The following TFDP1 variants were observed in gnomAD, a reference collection of about 807,000 sequenced individuals.
TFDP1 encodes the protein transcription factor Dp-1, also known as DRTF1-polypeptide 1.
TFDP1 carries 6 observed loss-of-function variants against 48.0 expected under a neutral mutation model. That is an observed-to-expected ratio of 0.13 (90% confidence interval 0.07 to 0.25). The LOEUF is 0.25. Ranked by LOEUF, TFDP1 falls within the 10% of genes least tolerant of loss-of-function variation. The probability of loss-of-function intolerance (pLI) is 1.00; values close to 1 mark genes in which losing one functional copy is unlikely to be tolerated. For synonymous variants in TFDP1, 201 were observed against 211.6 expected (o/e 0.95, Z 0.44); for missense variants, 335 against 543.0 (o/e 0.62, Z 3.81).
intron 2 of TFDP1, among the ~76,000 whole-genome samples, chr13:113,591,009 CAAAAAAA>C (rs71101595): frequency 5.0e-5 from 3 of 59,858 alleles, no homozygotes; most frequent in East Asian, 5.4e-4. Flanking sequence ...GACTCTGTCT[CAAAAAAA>C]AAAAAAAAAA....
intron 4 of TFDP1, among the ~76,000 whole-genome samples, chr13:113,631,406 C>T (rs1477786663): frequency 6.6e-6 from 1 of 152,164 alleles, no homozygotes; most frequent in Non-Finnish European, 1.5e-5. Flanking sequence ...ATGCCTGTGA[C>T]TGACAAGAGG....
intron 3 of TFDP1, among the ~76,000 whole-genome samples, chr13:113,618,143 C>T (rs1022852043): frequency 6.6e-6 from 1 of 152,196 alleles, no homozygotes; most frequent in Non-Finnish European, 1.5e-5. Flanking sequence ...AATGTTAGCC[C>T]TCCTCCCTCC....
rs377250541 is a variant in TFDP1 at position 113,610,538 on chromosome 13, C to G, written c.13-458C>G. Among the ~76,000 whole-genome samples, 5 of 151,396 alleles carry G rather than the reference C, an allele frequency of 3.3e-5. No individual in the cohort carries two copies. In the East Asian group the frequency reaches 7.9e-4, roughly 24 times the overall value. ...TGTGGTTGTGCCATCATACGTGCCCCTGCTTTGTGGCTGTGCCATCACACA... is the reference window on the plus strand; with the variant it reads ...TGTGGTTGTGCCATCATACGTGCCCGTGCTTTGTGGCTGTGCCATCACACA... On this transcript the variant is annotated intron_variant, in intron 2 of 11. Coordinates refer to ENST00000375370, the MANE Select transcript of TFDP1 (RefSeq NM_007111.5).
At chr13:113,597,067 C>A (rs1385650195) in intron 2 of TFDP1, among the ~76,000 whole-genome samples, 3 of 152,140 alleles carry the variant, frequency 2.0e-5, no homozygotes, top group African/African-American at 7.2e-5. Context: ...TCTGGATACC[C>A]CCTGTCTGGC....
Position 113,637,905 on chromosome 13 carries a change from C to T in TFDP1, c.1085+9C>T, listed in dbSNP as rs781379067. 39 of 1,612,204 alleles carry T rather than the reference C, an allele frequency of 2.4e-5. No homozygotes were observed. The highest frequency in any genetic ancestry group is 6.7e-5 in the Admixed American group (4 of 59,946). ...ACAAGGTTCTCTGCCAGGTGACAGT[C>T]GTTGAGGGTGTGGGAGAGGCGTCAT... On this transcript the variant is annotated intron_variant, in intron 11 of 11. Transcript: ENST00000375370.
intron 3 of TFDP1, among the ~76,000 whole-genome samples, chr13:113,613,236 G>A (rs544213775): frequency 1.3e-5 from 2 of 152,272 alleles, no homozygotes; most frequent in Admixed American, 6.5e-5. Context: ...GACTGGTTTC[G>A]AACTCCTGAC....
chr13:113,640,303 G>C lies in TFDP1; in HGVS notation c.*36G>C. 6.3e-7 allele frequency: 1 copy of C among 1,584,522 alleles called. No individual in the cohort carries two copies. Among genetic ancestry groups the C allele is most frequent in the South Asian group, 1.1e-5 (1 of 87,670 alleles). On this transcript the variant is annotated 3_prime_UTR_variant, in exon 12 of 12. Transcript: ENST00000375370. ...ACTTCAGATTCGGCTTCAGGAAAAC[G>C]TTTAGCGAAAAGAAACTTTTTTTTT...
At chr13:113,617,942 C>A (rs1318566956) in intron 3 of TFDP1, among the ~76,000 whole-genome samples, 1 of 152,196 alleles carries the variant, frequency 6.6e-6, no homozygotes, top group Non-Finnish European at 1.5e-5. Flanking sequence ...ATTATAGCAA[C>A]TGAGACCATA....
intron 4 of TFDP1, among the ~76,000 whole-genome samples, chr13:113,625,545 A>C (rs202095602): frequency 1.2e-3 from 62 of 53,492 alleles, no homozygotes; most frequent in African/African-American, 7.1e-3. Context: ...GGTGTCTCTC[A>C]CGTGTCCTCA....
Position 113,588,606 on chromosome 13 carries a change from G to A in TFDP1, c.12+2757G>A, listed in dbSNP as rs181317758. ...TATATGGCAAGGAGCTACACACGAG[G>A]GAGGAGAGAGGTACTCTGAAAAGTT... On this transcript the variant is annotated intron_variant, in intron 2 of 11. Coordinates refer to ENST00000375370, the MANE Select transcript of TFDP1 (RefSeq NM_007111.5). Among the ~76,000 whole-genome samples, 131 of 152,356 alleles carry A rather than the reference G, an allele frequency of 8.6e-4. 1 individual carries two copies. The highest frequency in any genetic ancestry group is 2.8e-3 in the Admixed American group (43 of 15,300).
At chr13:113,615,090 G>A (rs933648691) in intron 3 of TFDP1, among the ~76,000 whole-genome samples, 2 of 152,128 alleles carry the variant, frequency 1.3e-5, no homozygotes, top group Admixed American at 1.3e-4. Context: ...CACCAAACTC[G>A]AGACATTTTG....
At chr13:113,604,665 GTC>G (rs2048520997) in intron 2 of TFDP1, among the ~76,000 whole-genome samples, 2 of 151,852 alleles carry the variant, frequency 1.3e-5, no homozygotes, top group South Asian at 4.1e-4. Context: ...CTGTTAACAG[GTC>G]CCACTTAGCA....
chr13:113,624,204 C>G lies in TFDP1; in HGVS notation c.186+918C>G, dbSNP rs190723640. Among the ~76,000 whole-genome samples the G allele has an allele frequency of 3.3e-5, 5 of 152,284 alleles. No homozygotes were observed. The East Asian group carries it at 7.7e-4, about 24-fold the overall frequency. ...CCCGGCCTCCTGGCCCACTCCACCC[C>G]CTCACCCTGCTCCGTCTGTGCTGTG... On this transcript the variant is annotated intron_variant, in intron 4 of 11. Transcript: ENST00000375370.
chr13:113,631,901 C>A, intron 5 of TFDP1, 157 bp downstream of exon 5: 1 of 1,054,974 alleles, frequency 9.5e-7, no homozygotes. Context: ...TCGTGGCCTG[C>A]ACAGGTGTGC....
At chr13:113,601,550 G>A (rs1306446018) in intron 2 of TFDP1, among the ~76,000 whole-genome samples, 3 of 152,230 alleles carry the variant, frequency 2.0e-5, no homozygotes, top group African/African-American at 7.2e-5. Flanking sequence ...GGGGGCCCCT[G>A]CAGGGCCAGG....
chr13:113,610,820 A>G (rs1348274861), intron 2 of TFDP1, among the ~76,000 whole-genome samples, 176 bp from the exon 3 acceptor site: 1 of 152,166 alleles, frequency 6.6e-6, no homozygotes, highest in Non-Finnish European at 1.5e-5. Context: ...TGATAGTGAC[A>G]TTCCTTCTCC....
At chr13:113,615,060 G>A (rs2048823838) in intron 3 of TFDP1, among the ~76,000 whole-genome samples, 1 of 152,192 alleles carries the variant, frequency 6.6e-6, no homozygotes, top group Non-Finnish European at 1.5e-5. Flanking sequence ...TTAGAAGGCT[G>A]CTTTCCACCC....
chr13:113,601,073 G>A (rs1468677101), intron 2 of TFDP1, among the ~76,000 whole-genome samples: 1 of 152,180 alleles, frequency 6.6e-6, no homozygotes, highest in Non-Finnish European at 1.5e-5. Flanking sequence ...CTCCAGATGC[G>A]AGGTTCTTTT....
At chr13:113,634,658 T>A (rs1038827785) in intron 8 of TFDP1, 56 bp downstream of exon 8, 1 of 1,355,540 alleles carries the variant, frequency 7.4e-7, no homozygotes, top group Admixed American at 1.9e-5. Flanking sequence ...TAATTTAGCT[T>A]TATAACGGCA....
Sources: gnomAD v4.1 joint callset for allele counts (sites outside exome capture counted in the v4.1 genomes callset) on GRCh38, gnomAD v4.1.1 for gene constraint, MANE v1.5 for transcripts, NCBI Gene and HGNC (gene_info 2026-07-23, HGNC 2026-07-21) for gene names.